The following ACSM4 variants were observed in gnomAD, a reference collection of about 807,000 sequenced individuals.
The protein encoded by ACSM4 is acyl-CoA synthetase medium chain family member 4.
Under a neutral mutation model 73.0 loss-of-function variants are expected in ACSM4, and 66 were observed. The ratio of observed to expected loss-of-function variants is 0.90; its 90% CI spans 0.74 to 1.11. ACSM4 has a LOEUF of 1.11. ACSM4 is among the 50% of genes least tolerant of loss of function. ACSM4 has a pLI of 0.00. For synonymous variants in ACSM4, 222 were observed against 254.0 expected (o/e 0.87, Z 1.20); for missense variants, 645 against 714.4 (o/e 0.90, Z 1.11).
chr12:7,309,779 T>C (rs1293527358), intron 2 of ACSM4, among the ~76,000 whole-genome samples: 4 of 152,068 alleles, frequency 2.6e-5, no homozygotes, highest in Non-Finnish European at 4.4e-5. Flanking sequence ...GGCCACTGGT[T>C]TTTTTCTCTT....
In ACSM4 at chr12:7,317,370, C is replaced by T. The variant is rs979971127; in HGVS notation, c.764+90C>T. 59 of 1,424,230 alleles carry T rather than the reference C, an allele frequency of 4.1e-5. No individual in the cohort carries two copies. In the East Asian group the frequency reaches 1.0e-3, roughly 24 times the overall value. The allele number at this position is 1,424,230 out of a possible 1,614,324, so 88.2% of individuals were successfully genotyped here. A position where few individuals can be genotyped will look rare whatever the true frequency, so the allele number is the denominator to read the frequency against. ...CTAACTGATACTTCTCCTTGAATTG[C>T]TATAAGATATTGGCAATTATAATAG... On this transcript the variant is annotated intron_variant, in intron 4 of 12. Coordinates refer to ENST00000399422, the MANE Select transcript of ACSM4 (RefSeq NM_001080454.2).
At chr12:7,320,929 C>T (rs975713284) in intron 6 of ACSM4, 125 bp downstream of exon 6, 39 of 844,918 alleles carry the variant, frequency 4.6e-5, no homozygotes, top group African/African-American at 1.5e-4. Flanking sequence ...CATTTTGAAC[C>T]GAATAATTCT....
At chr12:7,307,140 G>A (rs1946366893) in intron 2 of ACSM4, among the ~76,000 whole-genome samples, 1 of 152,162 alleles carries the variant, frequency 6.6e-6, no homozygotes, top group Admixed American at 6.5e-5. Context: ...TGTAATCCCA[G>A]CTACTCGGGA....
chr12:7,328,171 C>A, intron 12 of ACSM4, 116 bp from the exon 13 acceptor site: 1 of 726,524 alleles, frequency 1.4e-6, no homozygotes, highest in Non-Finnish European at 2.2e-6. Context: ...TGAGCTTAGG[C>A]TAAGATAATC....
At chr12:7,317,390 T>C (rs1484624123) in intron 4 of ACSM4, 110 bp downstream of exon 4, 2 of 1,370,534 alleles carry the variant, frequency 1.5e-6, no homozygotes, top group South Asian at 3.2e-5. Flanking sequence ...TTGGCAATTA[T>C]AATAGCTACA....
chr12:7,322,301 C>G (rs1479483077), intron 6 of ACSM4, 117 bp from the exon 7 acceptor site: 6 of 1,421,468 alleles, frequency 4.2e-6, no homozygotes, highest in Non-Finnish European at 4.9e-6. Context: ...GTTGAATGAA[C>G]TTTGCTAAGA....
Position 7,304,386 on chromosome 12 carries a change from C to T in ACSM4, c.55C>T (p.Pro19Ser), listed in dbSNP as rs117632651. Residue 19 changes from proline (P) to serine (S), a missense_variant, in exon 1 of 13, where the codon CCT (proline) becomes TCT (serine). Physicochemically the swap from Pro to Ser is moderately conservative, Grantham distance 74. Coordinates refer to ENST00000399422, the MANE Select transcript of ACSM4 (RefSeq NM_001080454.2). ...TFRFIWLTKP[P>S]GRRLHKDHQL... Reference sequence around the variant, plus strand: ...TAGATTCATCTGGCTCACCAAGCCACCTGGCCGGCGCTTACACAAAGATCA... The same window carrying T: ...TAGATTCATCTGGCTCACCAAGCCATCTGGCCGGCGCTTACACAAAGATCA... The T allele has an allele frequency of 4.3e-5, 70 of 1,613,934 alleles. No homozygotes were observed. The East Asian group carries it at 1.5e-3, about 35-fold the overall frequency.
chr12:7,313,797 A>T (rs1174130278), intron 3 of ACSM4, among the ~76,000 whole-genome samples: 2 of 152,184 alleles, frequency 1.3e-5, no homozygotes, highest in African/African-American at 2.4e-5. Flanking sequence ...TGGTTTAGCT[A>T]GAGAATAAAA....
chr12:7,323,143 C>T, intron 7 of ACSM4, 91 bp from the exon 8 acceptor site: 9 of 1,243,482 alleles, frequency 7.2e-6, no homozygotes, highest in Non-Finnish European at 1.0e-5. Flanking sequence ...CCAGGAAAAT[C>T]AGTCAAAATC....
intron 12 of ACSM4, 86 bp downstream of exon 12, chr12:7,327,181 T>A: frequency 7.1e-7 from 1 of 1,412,624 alleles, no homozygotes; most frequent in Non-Finnish European, 9.4e-7. Context: ...TTTGATTTTA[T>A]AGTAGCTCAT....
chr12:7,323,028 C>A (rs1946476536), intron 7 of ACSM4, among the ~76,000 whole-genome samples: 1 of 152,240 alleles, frequency 6.6e-6, no homozygotes, highest in Non-Finnish European at 1.5e-5. Context: ...GCCCATCAAT[C>A]TGTGTTTCAA....
chr12:7,328,228 G>T, intron 12 of ACSM4, 59 bp from the exon 13 acceptor site: 1 of 1,333,508 alleles, frequency 7.5e-7, no homozygotes, highest in Non-Finnish European at 1.0e-6. Flanking sequence ...CCTTCCTATC[G>T]CACGGACAAT....
rs1208467801 is a variant in ACSM4, at chr12:7,323,304, A to T, written c.1196A>T (p.Tyr399Phe). The change falls in exon 8 of 13, where the codon TAT becomes TTT. Residue 399 changes from tyrosine (Y) to phenylalanine (F), a missense_variant. Coordinates refer to ENST00000399422, the MANE Select transcript of ACSM4 (RefSeq NM_001080454.2). ...PGSMGKGMLP[Y>F]DVQIIDENGN... ...TCAATGGGGAAAGGAATGCTGCCCT[A>T]TGATGTCCAGGTAGGTTGAGAAAAT... 6.2e-7 allele frequency: 1 copy of T among 1,610,920 alleles called. No individual in the cohort carries two copies. The highest frequency in any genetic ancestry group is 8.5e-7 in the Non-Finnish European group (1 of 1,178,574).
At position 7,324,584 on chromosome 12, in the gene ACSM4, C is replaced by G; in HGVS notation, c.1522C>G (p.Gln508Glu). The G allele has an allele frequency of 1.9e-6, 3 of 1,613,962 alleles. No homozygotes were observed. The highest frequency in any genetic ancestry group is 2.5e-6 in the Non-Finnish European group (3 of 1,179,852). ...VESAVVSSPD[Q>E]IRGEVVKAFV... ...ATCGGCTGTTGTCAGTAGTCCAGAT[C>G]AAATCCGCGGAGAGGTAGATGAATG... is the stretch of plus-strand genomic sequence containing the variant. Residue 508 changes from glutamine (Q) to glutamate (E), a missense_variant, in exon 11 of 13, where the codon CAA (glutamine) becomes GAA (glutamate). Transcript: ENST00000399422.
intron 3 of ACSM4, 106 bp downstream of exon 3, chr12:7,310,852 C>A: frequency 8.4e-7 from 1 of 1,184,000 alleles, no homozygotes; most frequent in Non-Finnish European, 1.2e-6. Context: ...GTCAGTTGAT[C>A]TGGGCTCTTA....
Position 7,323,247 on chromosome 12 carries a change from C to G in ACSM4, c.1139C>G (p.Ala380Gly). The G allele has an allele frequency of 6.2e-7, 1 of 1,608,750 alleles. No homozygotes were observed. The part of the protein sequence containing the change: ...YGQTEVGMIC[A>G]NQKGQEIKPG... ...TCCTCTCAATAGGGAATGATTTGTG[C>G]CAATCAGAAAGGCCAAGAAATTAAA... is the stretch of plus-strand genomic sequence containing the variant. Residue 380 changes from alanine to glycine, a missense_variant, in exon 8 of 13, where the codon GCC becomes GGC. Coordinates refer to ENST00000399422, the MANE Select transcript of ACSM4 (RefSeq NM_001080454.2).
chr12:7,326,210 T>A (rs939053963), intron 11 of ACSM4, among the ~76,000 whole-genome samples: 8 of 152,094 alleles, frequency 5.3e-5, no homozygotes, highest in African/African-American at 1.7e-4. Context: ...TTGGCTTTGT[T>A]TTGTTTTTTT....
intron 3 of ACSM4, among the ~76,000 whole-genome samples, chr12:7,316,628 G>A (rs1409456185): frequency 6.6e-6 from 1 of 152,184 alleles, no homozygotes; most frequent in Non-Finnish European, 1.5e-5. Flanking sequence ...AAGGAAGAAG[G>A]AGACAGCTAT....
At chr12:7,304,903 T>C (rs1946353642) in intron 1 of ACSM4, among the ~76,000 whole-genome samples, 5 of 152,186 alleles carry the variant, frequency 3.3e-5, no homozygotes, top group Admixed American at 2.6e-4. Context: ...ATTGGAGTAA[T>C]GAGGAGAGAA....
Sources: gnomAD v4.1 joint callset for allele counts (sites outside exome capture counted in the v4.1 genomes callset) on GRCh38, gnomAD v4.1.1 for gene constraint, MANE v1.5 for transcripts, NCBI Gene and HGNC (gene_info 2026-07-23, HGNC 2026-07-21) for gene names.